Variants in LYST observed in about 807,000 individuals in gnomAD.
The protein encoded by LYST is lysosomal-trafficking regulator.
A neutral mutation model predicts 413.6 loss-of-function variants in LYST; 192 were observed. That is an observed-to-expected ratio of 0.46 (90% CI 0.41 to 0.52). The LOEUF (loss-of-function observed/expected upper bound fraction) is 0.52. Among genes scored for constraint, LYST ranks in the 20% least tolerant of loss-of-function variants. The pLI, the probability that LYST is intolerant of heterozygous loss-of-function variation, is 0.00. For missense variants in LYST, 3,815 were observed against 4,499.9 expected (o/e 0.85, Z 4.35); for synonymous variants, 1,525 against 1,567.3 (o/e 0.97, Z 0.64).
At chr1:235,788,905 G>A (rs2103512297) in intron 12 of LYST, 60 bp from the exon 13 acceptor site, 2 of 1,509,936 alleles carry the variant, frequency 1.3e-6, no homozygotes, top group East Asian at 2.3e-5. Context: ...GAGTAGAAAA[G>A]TGAATTTAGA....
intron 50 of LYST, among the ~76,000 whole-genome samples, chr1:235,671,009 G>C (rs1658896771): frequency 6.6e-6 from 1 of 152,238 alleles, no homozygotes; most frequent in Admixed American, 6.5e-5. Flanking sequence ...TGAAAAGACA[G>C]TAAACCTGAG....
At chr1:235,754,229 C>CTTTTTTTTTTTTTTTTTTT (rs71576486) in intron 25 of LYST, among the ~76,000 whole-genome samples, 17 of 86,546 alleles carry the variant, frequency 2.0e-4, no homozygotes, top group Non-Finnish European at 2.9e-4. Flanking sequence ...CTTTTCTTTT[C>CTTTTTTTTTTTTTTTTTTT]TTTTTTTTTT....
intron 42 of LYST, among the ~76,000 whole-genome samples, chr1:235,714,310 A>C (rs913600779): frequency 6.6e-6 from 1 of 152,210 alleles, no homozygotes; most frequent in Non-Finnish European, 1.5e-5. Flanking sequence ...AAATTAACCA[A>C]GGATAATTAG....
Position 235,697,190 on chromosome 1 carries a change from C to A in LYST, c.10457G>T (p.Ser3486Ile), listed in dbSNP as rs143632723. Residue 3486 changes from serine to isoleucine, a missense_variant, in exon 46 of 53, where the codon AGC (serine) becomes ATC (isoleucine). This residue lies in a region of LYST where 866 missense variants were observed against 1,156.0 expected (regional missense o/e 0.75). Coordinates refer to ENST00000389793, the MANE Select transcript of LYST (RefSeq NM_000081.4). ...PSAPVPVVCF[S>I]QPHGERFGSL... ...GCCAAATCTTTCTCCGTGGGGCTGG[C>A]TGAAGCAGACCACAGGTACTGGAGC... 6.2e-6 allele frequency: 10 copies of A among 1,614,066 alleles called. No homozygotes were observed. In the African/African-American group the frequency reaches 1.1e-4, roughly 17 times the overall value.
chr1:235,842,103 C>G (rs1221886464), intron 1 of LYST, among the ~76,000 whole-genome samples: 1 of 151,904 alleles, frequency 6.6e-6, no homozygotes, highest in Non-Finnish European at 1.5e-5. Context: ...TATCACTGAT[C>G]TGGAAATGGG....
chr1:235,715,676 G>A (rs1167309915), intron 41 of LYST, among the ~76,000 whole-genome samples: 1 of 152,028 alleles, frequency 6.6e-6, no homozygotes, highest in Admixed American at 6.6e-5. Flanking sequence ...AGCTGATCAA[G>A]CACCCAACAA....
intron 19 of LYST, among the ~76,000 whole-genome samples, chr1:235,772,656 T>C (rs532073982): frequency 6.6e-5 from 10 of 152,196 alleles, no homozygotes; most frequent in Non-Finnish European, 1.2e-4. Context: ...TAATTTGTAC[T>C]TACGATGAAG....
intron 1 of LYST, among the ~76,000 whole-genome samples, chr1:235,865,736 A>G (rs1303768062): frequency 6.6e-6 from 1 of 152,248 alleles, no homozygotes; most frequent in Non-Finnish European, 1.5e-5. Context: ...CAACATCTTT[A>G]TTAGCATAGA....
rs143706899 is a variant in LYST at position 235,864,869 on chromosome 1, C to T, written c.-98+1974G>A. Among the ~76,000 whole-genome samples the T allele has an allele frequency of 5.9e-3, 905 of 152,248 alleles. 19 individuals are homozygous for T. The highest frequency in any genetic ancestry group is 0.019 in the African/African-American group (806 of 41,524). On this transcript the variant is annotated intron_variant, in intron 1 of 52. Coordinates refer to ENST00000389793, the MANE Select transcript of LYST (RefSeq NM_000081.4). ...ACCTGAGCCTGGGAAGTCGAGGCTGCAGTAGGTTGTGATCATGCCACTGCA... is the reference window on the plus strand; with the variant it reads ...ACCTGAGCCTGGGAAGTCGAGGCTGTAGTAGGTTGTGATCATGCCACTGCA...
chr1:235,738,157 T>G, intron 31 of LYST: 3 of 1,609,488 alleles, frequency 1.9e-6, no homozygotes, highest in Non-Finnish European at 2.5e-6. Context: ...CTTGTTGATG[T>G]CATGGAAGAC....
intron 31 of LYST, among the ~76,000 whole-genome samples, chr1:235,739,633 AAAC>A (rs1457717506): frequency 1.4e-5 from 2 of 147,416 alleles, no homozygotes; most frequent in African/African-American, 2.5e-5. Flanking sequence ...AAAAAAAAAA[AAAC>A]GTAGTCAAAT....
intron 44 of LYST, among the ~76,000 whole-genome samples, chr1:235,705,361 T>C (rs1169423120): frequency 6.6e-6 from 1 of 152,102 alleles, no homozygotes; most frequent in Non-Finnish European, 1.5e-5. Context: ...AGAATTACCA[T>C]GTGTATTTCA....
chr1:235,730,583 G>A (rs1664291965), intron 36 of LYST, among the ~76,000 whole-genome samples: 1 of 46,170 alleles, frequency 2.2e-5, no homozygotes, highest in African/African-American at 1.6e-4. Context: ...GTGTGTGTGT[G>A]TGTGTGTGTG....
chr1:235,757,169 TA>T, intron 24 of LYST, 111 bp downstream of exon 24: 1 of 697,648 alleles, frequency 1.4e-6, no homozygotes, highest in Non-Finnish European at 2.3e-6. Flanking sequence ...TTCATTATTC[TA>T]AAATATAAAA....
In LYST at chr1:235,663,991, T is replaced by C. The variant is rs1658235126; in HGVS notation, c.11260A>G (p.Ile3754Val). 6.2e-7 allele frequency: 1 copy of C among 1,610,598 alleles called. No homozygotes were observed. The highest frequency in any genetic ancestry group is 1.3e-5 in the African/African-American group (1 of 74,886). ...EITFPKSNKP[I>V]ISLTFSCDGH... ...AGGGGGAGAAGATCTTACCTGATGA[T>C]GGGCTTATTTGATTTGGGAAATGTA... is the stretch of plus-strand genomic sequence containing the variant. The change falls in exon 52 of 53, where the codon ATC becomes GTC. Residue 3754 changes from isoleucine to valine, a missense_variant. By Grantham distance (29) the Ile-to-Val change is conservative. Transcript: ENST00000389793.
intron 19 of LYST, among the ~76,000 whole-genome samples, chr1:235,771,248 T>C (rs1668636334): frequency 6.6e-6 from 1 of 152,124 alleles, no homozygotes; most frequent in Non-Finnish European, 1.5e-5. Context: ...ATAGTGCCAA[T>C]GTAAACAAAC....
rs1432445569 is a variant in LYST at position 235,737,302 on chromosome 1, C to A, written c.8359-2643G>T. 2 of 151,796 alleles carry A rather than the reference C, an allele frequency of 1.3e-5. 1 individual carries two copies. The highest frequency in any genetic ancestry group is 4.2e-4 in the South Asian group (2 of 4,800). 9.4% of individuals were successfully genotyped at this position (151,796 alleles called of 1,614,324 possible). ...AAGTGATTATGTTAATGTTAGGAAC[C>A]AAGATATCAACATTAGTAAGAAATA... On this transcript the variant is annotated intron_variant, in intron 31 of 52. Transcript: ENST00000389793.
chr1:235,774,384 C>T (rs993287710), intron 18 of LYST, among the ~76,000 whole-genome samples: 1 of 152,156 alleles, frequency 6.6e-6, no homozygotes, highest in Non-Finnish European at 1.5e-5. Flanking sequence ...CGTCTTTTGC[C>T]TTAGTACCAG....
chr1:235,883,595 C>T (rs992936798), exon 1 of LYST: 4 of 152,654 alleles, frequency 2.6e-5, no homozygotes, highest in Admixed American at 6.5e-5. Context: ...GACTGCTCTT[C>T]TCAAAGCCAA....
Sources: gnomAD v4.1 joint callset for allele counts (sites outside exome capture counted in the v4.1 genomes callset) on GRCh38, gnomAD v4.1.1 for gene constraint, gnomAD v4.1.1 regional missense constraint, MANE v1.5 for transcripts, NCBI Gene and HGNC (gene_info 2026-07-23, HGNC 2026-07-21) for gene names.